CPA4: variants seen among roughly 807,000 people sequenced by gnomAD.
CPA4 encodes the protein carboxypeptidase A3.
CPA4 carries 49 observed loss-of-function variants against 54.7 expected under a neutral mutation model. That is an observed-to-expected ratio of 0.90 (90% CI 0.71 to 1.14). CPA4 has a LOEUF of 1.14. CPA4 is among the 50% of genes most tolerant of loss of function. The pLI is 0.00. For missense variants in CPA4, 487 were observed against 525.1 expected (o/e 0.93, Z 0.71); for synonymous variants, 215 against 206.8 (o/e 1.04, Z -0.34).
Position 130,298,759 on chromosome 7 carries a change from A to G in CPA4, c.82A>G (p.Arg28Gly). 1 of 1,608,474 alleles carries G rather than the reference A, an allele frequency of 6.2e-7. No individual in the cohort carries two copies. Among genetic ancestry groups the G allele is most frequent in the South Asian group, 1.1e-5 (1 of 90,800 alleles). ...QEKFFGDQVL[R>G]INVRNGDEIS... Reference sequence around the variant, plus strand: ...CTTCTTCCCCAGGGACCAAGTTTTGAGGATTAATGTCAGAAATGGAGACGA... The same window carrying G: ...CTTCTTCCCCAGGGACCAAGTTTTGGGGATTAATGTCAGAAATGGAGACGA... The change falls in exon 2 of 11, where the codon AGG becomes GGG. Residue 28 changes from arginine (R) to glycine (G), a missense_variant. Physicochemically the swap from Arg to Gly is moderately radical, Grantham distance 125. Transcript: ENST00000222482.
At chr7:130,297,640 G>A (rs1392470532) in intron 1 of CPA4, among the ~76,000 whole-genome samples, 1 of 152,158 alleles carries the variant, frequency 6.6e-6, no homozygotes, top group Non-Finnish European at 1.5e-5. Flanking sequence ...AGAGCCATCT[G>A]GATGAAACCG....
At chr7:130,313,716 G>C (rs532153247) in intron 10 of CPA4, among the ~76,000 whole-genome samples, 1 of 152,304 alleles carries the variant, frequency 6.6e-6, no homozygotes, top group East Asian at 1.9e-4. Context: ...CAGATGGAAT[G>C]GGTAAAGGTT....
In CPA4 at chr7:130,310,920, C is replaced by T. The variant is rs1177499363; in HGVS notation, c.927C>T (p.Ser309=). ...TCAAGGGCTTCATCGACCTGCACAGCTACTCGCAGCTGCTGATGTATCCAT... is the reference window on the plus strand; with the variant it reads ...TCAAGGGCTTCATCGACCTGCACAGTTACTCGCAGCTGCTGATGTATCCAT... ...GNFKGFIDLH[S]YSQLLMYPYG... The change falls in exon 9 of 11, where the codon AGC becomes AGT. Residue 309 remains serine, a synonymous_variant. Coordinates refer to ENST00000222482, the MANE Select transcript of CPA4 (RefSeq NM_016352.4). This position sits in a 1 kb window ranked among gnomAD's most constrained non-coding sequence, Gnocchi z 4.3. The T allele has an allele frequency of 1.2e-6, 2 of 1,614,064 alleles. No individual in the cohort carries two copies. Among genetic ancestry groups the T allele is most frequent in the East Asian group, 2.2e-5 (1 of 44,900 alleles).
At chr7:130,318,703 A>G (rs1794030820) in intron 10 of CPA4, among the ~76,000 whole-genome samples, 1 of 151,798 alleles carries the variant, frequency 6.6e-6, no homozygotes, top group Non-Finnish European at 1.5e-5. Context: ...GAGCCACAGC[A>G]CCCGGCCAAA....
chr7:130,317,903 C>G (rs1443793125), intron 10 of CPA4, among the ~76,000 whole-genome samples: 1 of 152,186 alleles, frequency 6.6e-6, no homozygotes, highest in South Asian at 2.1e-4. Context: ...TCTCAACTGG[C>G]TTCACTTCAG....
rs778499220 is a variant in CPA4, at chr7:130,322,529, C to A, written c.1119C>A (p.Asn373Lys). ...GCAGCATCGACTGGGCATATGACAA[C>A]GGCATCAAATTTGCATTCACATTTG... Reference protein sequence around the residue: ...SGSSIDWAYDNGIKFAFTFEL... With the variant: ...SGSSIDWAYDKGIKFAFTFEL... Residue 373 changes from asparagine to lysine, a missense_variant, in exon 11 of 11, where the codon AAC becomes AAA. Transcript: ENST00000222482. 6.2e-7 allele frequency: 1 copy of A among 1,614,082 alleles called. No individual in the cohort carries two copies. Among genetic ancestry groups the A allele is most frequent in the Non-Finnish European group, 8.5e-7 (1 of 1,179,966 alleles).
chr7:130,316,486 C>A (rs1319519514), intron 10 of CPA4, among the ~76,000 whole-genome samples: 1 of 152,126 alleles, frequency 6.6e-6, no homozygotes, highest in East Asian at 1.9e-4. Flanking sequence ...TATGATATCC[C>A]TTAAAGATGG....
intron 10 of CPA4, among the ~76,000 whole-genome samples, chr7:130,319,099 G>A (rs776298452): frequency 1.3e-5 from 2 of 152,120 alleles, no homozygotes; most frequent in Non-Finnish European, 2.9e-5. Flanking sequence ...TCCTTCTTGT[G>A]TTTGCTTTGT....
chr7:130,301,902 C>T (rs1331374580), intron 4 of CPA4, among the ~76,000 whole-genome samples: 1 of 152,168 alleles, frequency 6.6e-6, no homozygotes, highest in African/African-American at 2.4e-5. Flanking sequence ...AGCTCAGAGC[C>T]CACACAGGGA....
At chr7:130,293,311 A>G in intron 1 of CPA4, 63 bp downstream of exon 1, 1 of 929,372 alleles carries the variant, frequency 1.1e-6, no homozygotes, top group Non-Finnish European at 1.8e-6. Context: ...ATGGAACTGA[A>G]AATGAATGGC....
chr7:130,300,868 G>A lies in CPA4; in HGVS notation c.338G>A (p.Arg113Gln), dbSNP rs373007376. The A allele has an allele frequency of 3.4e-5, 55 of 1,613,800 alleles. No individual in the cohort carries two copies. Among genetic ancestry groups the A allele is most frequent in the East Asian group, 1.8e-4 (8 of 44,898 alleles). The change falls in exon 4 of 11, where the codon CGG (arginine) becomes CAG (glutamine). Residue 113 changes from arginine (R) to glutamine (Q), a missense_variant. By Grantham distance (43) the Arg-to-Gln change is conservative (BLOSUM62 1). Transcript: ENST00000222482. ...DEMQHNEGQERSSNNFNYGAY... is the reference protein window; with the variant it reads ...DEMQHNEGQEQSSNNFNYGAY... ...ATGCAACACAATGAAGGGCAAGAACGGAGCAGTAATAACTTCAACTACGGG... is the reference window on the plus strand; with the variant it reads ...ATGCAACACAATGAAGGGCAAGAACAGAGCAGTAATAACTTCAACTACGGG...
At chr7:130,304,394 A>G (rs1793785520) in intron 4 of CPA4, 84 bp from the exon 5 acceptor site, 9 of 859,676 alleles carry the variant, frequency 1.0e-5, no homozygotes, top group Non-Finnish European at 1.6e-5. Flanking sequence ...GAGATAGTTA[A>G]GATCAACAAG....
At chr7:130,317,899 C>A (rs1404546824) in intron 10 of CPA4, among the ~76,000 whole-genome samples, 1 of 152,176 alleles carries the variant, frequency 6.6e-6, no homozygotes, top group African/African-American at 2.4e-5. Flanking sequence ...TCACTCTCAA[C>A]TGGCTTCACT....
In CPA4 at chr7:130,300,817, C is replaced by A; in HGVS notation, c.287C>A (p.Ala96Asp). 1 of 1,609,818 alleles carries A rather than the reference C, an allele frequency of 6.2e-7. No individual in the cohort carries two copies. The highest frequency in any genetic ancestry group is 1.1e-5 in the South Asian group (1 of 90,972). ...CACAACATTGCTGTGTGTTTTCAGG[C>A]CCTTTTAGACAATGAAGATGATGAA... Reference protein sequence around the residue: ...EYAVTIEDLQALLDNEDDEMQ... With the variant: ...EYAVTIEDLQDLLDNEDDEMQ... The change falls in exon 4 of 11, where the codon GCC becomes GAC. Residue 96 changes from alanine to aspartate, a missense_variant and splice_region_variant. Transcript: ENST00000222482.
chr7:130,305,934 G>A lies in CPA4; in HGVS notation c.591+14G>A, dbSNP rs754076590. The A allele has an allele frequency of 2.5e-6, 4 of 1,603,010 alleles. No individual in the cohort carries two copies. Among genetic ancestry groups the A allele is most frequent in the Non-Finnish European group, 3.4e-6 (4 of 1,170,132 alleles). ...ACGGCAAGGAAGGTCATGCTGCGTG[G>A]TATTAGCCAGGAATGCTGATGGTGC... On this transcript the variant is annotated intron_variant, in intron 6 of 10. Transcript: ENST00000222482.
In CPA4 at chr7:130,308,408, G is replaced by T; in HGVS notation, c.793+11G>T. 6.2e-7 allele frequency: 1 copy of T among 1,609,752 alleles called. No individual in the cohort carries two copies. The highest frequency in any genetic ancestry group is 1.1e-5 in the South Asian group (1 of 90,988). ...ACGCTAGTTTTGCAGGTAGGCGGTG[G>T]GGAGACAGTTCTCAAATCCTGCTGT... On this transcript the variant is annotated intron_variant, in intron 8 of 10. Transcript: ENST00000222482.
chr7:130,300,901 A>G lies in CPA4; in HGVS notation c.371A>G (p.His124Arg). The change falls in exon 4 of 11, where the codon CAT becomes CGT. Residue 124 changes from histidine to arginine, a missense_variant. By Grantham distance (29) the His-to-Arg change is conservative. Transcript: ENST00000222482. ...AATAACTTCAACTACGGGGCTTACC[A>G]TTCCCTGGAAGCTGTAAGTGTTTCA... ...SSNNFNYGAY[H>R]SLEAIYHEMD... The G allele has an allele frequency of 1.2e-6, 2 of 1,610,832 alleles. No individual in the cohort carries two copies. Among genetic ancestry groups the G allele is most frequent in the East Asian group, 4.5e-5 (2 of 44,866 alleles).
rs1793786725 is a variant in CPA4, at chr7:130,304,470, T to C, written c.385-8T>C. ...AAATGTCCCTGGATTCACTCTTTCATGCTTCAGATTTACCACGAGATGGAC... is the reference window on the plus strand; with the variant it reads ...AAATGTCCCTGGATTCACTCTTTCACGCTTCAGATTTACCACGAGATGGAC... On this transcript the variant is annotated splice_polypyrimidine_tract_variant and splice_region_variant and intron_variant, in intron 4 of 10. Coordinates refer to ENST00000222482, the MANE Select transcript of CPA4 (RefSeq NM_016352.4). The C allele has an allele frequency of 1.3e-6, 2 of 1,559,282 alleles. No individual in the cohort carries two copies. The highest frequency in any genetic ancestry group is 1.8e-6 in the Non-Finnish European group (2 of 1,130,006).
Position 130,293,974 on chromosome 7 carries a change from TA to T in CPA4, c.68+727del, listed in dbSNP as rs1793611537. Among the ~76,000 whole-genome samples, 3 of 152,092 alleles carry T rather than the reference TA, an allele frequency of 2.0e-5. No individual in the cohort carries two copies. The South Asian group carries it at 6.2e-4, about 32-fold the overall frequency. On this transcript the variant is annotated intron_variant, in intron 1 of 10. Transcript: ENST00000222482. Reference sequence around the variant, plus strand: ...TGCAGGGGAGAGGACATTTGGGTGGTAGGAGAGATAAAAGGGATACCATGGT... The same window carrying T: ...TGCAGGGGAGAGGACATTTGGGTGGTGGAGAGATAAAAGGGATACCATGGT...
Sources: gnomAD v4.1 joint callset for allele counts (sites outside exome capture counted in the v4.1 genomes callset) on GRCh38, gnomAD v4.1.1 for gene constraint, Gnocchi (gnomAD v3.1) non-coding constraint, MANE v1.5 for transcripts, NCBI Gene and HGNC (gene_info 2026-07-23, HGNC 2026-07-21) for gene names.